The following SUGCT variants were observed in gnomAD, a reference collection of about 807,000 sequenced individuals.
SUGCT encodes the protein succinyl-CoA:glutarate-CoA transferase.
A neutral mutation model predicts 55.0 loss-of-function variants in SUGCT; 41 were observed. The ratio of observed to expected loss-of-function variants is 0.74; its 90% CI spans 0.58 to 0.97. The LOEUF is 0.97. SUGCT is among the 50% of genes least tolerant of loss of function. The pLI, the probability that SUGCT is intolerant of heterozygous loss-of-function variation, is 0.00. For missense variants in SUGCT, 568 were observed against 547.8 expected, an observed-to-expected ratio of 1.04 and a Z score of -0.37; for synonymous variants, 187 against 200.4, an observed-to-expected ratio of 0.93 and a Z score of 0.56.
chr7:40,443,432 G>A (rs1034021274), intron 9 of SUGCT, among the ~76,000 whole-genome samples: 1 of 152,148 alleles, frequency 6.6e-6, no homozygotes, highest in African/African-American at 2.4e-5. Flanking sequence ...GTGTGAGATG[G>A]TATCTCATTG....
At chr7:40,259,301 C>T (rs1477866301) in intron 7 of SUGCT, among the ~76,000 whole-genome samples, 5 of 152,080 alleles carry the variant, frequency 3.3e-5, no homozygotes, top group Non-Finnish European at 7.4e-5. Context: ...TTGAGCTGTG[C>T]GGGCCCACTT....
chr7:40,901,917 A>G, the SUGCT span, among the ~76,000 whole-genome samples: 1 of 152,352 alleles, frequency 6.6e-6, no homozygotes, highest in African/African-American at 2.4e-5. Context: ...TGCCAGAAAT[A>G]AGGAGCCTTG....
intron 6 of SUGCT, chr7:40,217,412 A>G (rs767626470): frequency 1.3e-5 from 6 of 445,380 alleles, no homozygotes; most frequent in Non-Finnish European, 4.5e-6. Flanking sequence ...GGGTTTTCCC[A>G]TGTTGCCCAG....
intron 1 of SUGCT, among the ~76,000 whole-genome samples, chr7:40,136,316 A>T (rs1355377597): frequency 6.6e-6 from 1 of 152,138 alleles, no homozygotes; most frequent in Non-Finnish European, 1.5e-5. Context: ...AGAATCTTAA[A>T]AGAGCTTTAG....
intron 9 of SUGCT, among the ~76,000 whole-genome samples, chr7:40,398,252 C>G (rs1281129141): frequency 6.6e-6 from 1 of 152,104 alleles, no homozygotes; most frequent in African/African-American, 2.4e-5. Context: ...CCACCATGAC[C>G]AGCTAATTTT....
In SUGCT at chr7:40,740,576, T is replaced by G. The variant is rs186916771; in HGVS notation, c.1090-8858T>G. Among the ~76,000 whole-genome samples the G allele has an allele frequency of 1.7e-3, 254 of 150,840 alleles. 1 individual carries two copies. Among genetic ancestry groups the G allele is most frequent in the African/African-American group, 6.0e-3 (247 of 41,416 alleles). ...TTTTATTATTTTATTTTTATTATTATTTTTTTCCTTGCCTCATTTTCAATC... is the reference window on the plus strand; with the variant it reads ...TTTTATTATTTTATTTTTATTATTAGTTTTTTCCTTGCCTCATTTTCAATC... On this transcript the variant is annotated intron_variant, in intron 12 of 13. Coordinates refer to ENST00000335693, the MANE Select transcript of SUGCT (RefSeq NM_001193313.2).
chr7:40,821,613 C>T (rs1792020203), intron 13 of SUGCT, among the ~76,000 whole-genome samples: 1 of 151,800 alleles, frequency 6.6e-6, no homozygotes, highest in Admixed American at 6.6e-5. Context: ...TGGTGATATC[C>T]CCTGTATCAT....
At chr7:40,357,261 T>C (rs1454720539) in intron 9 of SUGCT, among the ~76,000 whole-genome samples, 2 of 152,212 alleles carry the variant, frequency 1.3e-5, no homozygotes, top group African/African-American at 4.8e-5. Flanking sequence ...GCAGTTATTG[T>C]CTCCCTTTAG....
Position 40,854,419 on chromosome 7 carries a change from CCTTTCTTTCTTTCTTT to C in SUGCT, c.1154-5854_1154-5839del, listed in dbSNP as rs70990650. Among the ~76,000 whole-genome samples the C allele has an allele frequency of 1.3e-3, 112 of 88,834 alleles. 1 individual carries two copies. The highest frequency in any genetic ancestry group is 6.3e-3 in the South Asian group (15 of 2,368). 58.3% of individuals were successfully genotyped at this position (88,834 alleles called of 152,430 possible). A position where few individuals can be genotyped will look rare whatever the true frequency, so the allele number is the denominator to read the frequency against. ...TTTTTCTTTCTTTCTTTCTTTCTTT[CCTTTCTTTCTTTCTTT>C]CTTTCTTTCTTTCTTTCTTTCTTTC... On this transcript the variant is annotated intron_variant, in intron 13 of 13. Transcript: ENST00000335693.
intron 13 of SUGCT, among the ~76,000 whole-genome samples, chr7:40,810,845 T>C (rs1791371604): frequency 6.6e-6 from 1 of 152,244 alleles, no homozygotes; most frequent in South Asian, 2.1e-4. Context: ...CCAAATGCAA[T>C]GTCTAGAATG....
intron 13 of SUGCT, among the ~76,000 whole-genome samples, chr7:40,854,419 C>CCTTCCTTTCTTT (rs1794036747): frequency 9.0e-5 from 8 of 88,840 alleles, no homozygotes; most frequent in Admixed American, 1.2e-4. Context: ...TTCTTTCTTT[C>CCTTCCTTTCTTT]CTTTCTTTCT....
At chr7:40,869,671 AT>A in the SUGCT span, among the ~76,000 whole-genome samples, 61,778 of 150,720 alleles carry the variant, frequency 0.41, 13,424 homozygotes, top group East Asian at 0.87. Flanking sequence ...CACGAATGTC[AT>A]TTTTTTTTTC....
At chr7:40,551,543 C>A (rs1276223681) in intron 12 of SUGCT, among the ~76,000 whole-genome samples, 1 of 152,146 alleles carries the variant, frequency 6.6e-6, no homozygotes, top group Non-Finnish European at 1.5e-5. Context: ...ATATGTTGTG[C>A]TCGGTCATAA....
At chr7:40,567,768 G>A (rs1182655095) in intron 12 of SUGCT, among the ~76,000 whole-genome samples, 1 of 152,230 alleles carries the variant, frequency 6.6e-6, no homozygotes, top group Non-Finnish European at 1.5e-5. Context: ...ACAATTGCAA[G>A]TAGGCTTCTC....
chr7:40,765,536 A>G (rs1188242794), intron 13 of SUGCT, among the ~76,000 whole-genome samples: 1 of 152,110 alleles, frequency 6.6e-6, no homozygotes, highest in Non-Finnish European at 1.5e-5. Context: ...ATAACGAACT[A>G]TTATAAAGTC....
At chr7:40,161,248 A>T (rs564170206) in intron 1 of SUGCT, among the ~76,000 whole-genome samples, 4 of 152,286 alleles carry the variant, frequency 2.6e-5, no homozygotes, top group Admixed American at 2.0e-4. Flanking sequence ...AAACAAAATC[A>T]AATCATAAAA....
chr7:40,716,999 AC>A (rs1194095127), intron 12 of SUGCT, among the ~76,000 whole-genome samples: 3 of 152,170 alleles, frequency 2.0e-5, no homozygotes, highest in Admixed American at 6.5e-5. Context: ...AGAAAAAAAA[AC>A]CAATATGATA....
chr7:40,767,534 G>T lies in SUGCT; in HGVS notation c.1153+18037G>T, dbSNP rs866021880. On this transcript the variant is annotated intron_variant, in intron 13 of 13. Coordinates refer to ENST00000335693, the MANE Select transcript of SUGCT (RefSeq NM_001193313.2). ...CCATGGATGTGAGAACTTGGAACTG[G>T]GCAGGCCAACTGGTGTGGGTCAGAG... 1.6e-3 allele frequency among the ~76,000 whole-genome samples: 251 copies of T among 152,250 alleles called. 1 individual carries two copies. The highest frequency in any genetic ancestry group is 5.8e-3 in the African/African-American group (243 of 41,560).
chr7:41,038,466 G>A, the SUGCT span, among the ~76,000 whole-genome samples: 1 of 152,214 alleles, frequency 6.6e-6, no homozygotes, highest in Non-Finnish European at 1.5e-5. Flanking sequence ...GTGGGACGTG[G>A]CTGCTGCCCT....
Sources: gnomAD v4.1 joint callset for allele counts (sites outside exome capture counted in the v4.1 genomes callset) on GRCh38, gnomAD v4.1.1 for gene constraint, MANE v1.5 for transcripts, NCBI Gene and HGNC (gene_info 2026-07-23, HGNC 2026-07-21) for gene names.